SCRG1: variants seen among roughly 807,000 people sequenced by gnomAD.
SCRG1 encodes the protein scrapie-responsive protein 1.
SCRG1 carries 3 observed loss-of-function variants against 7.7 expected under a neutral mutation model. That is an observed-to-expected ratio of 0.39 (90% CI 0.18 to 1.01). The LOEUF (loss-of-function observed/expected upper bound fraction) is 1.01. Ranked by LOEUF, SCRG1 falls within the 50% of genes least tolerant of loss-of-function variation. The probability of loss-of-function intolerance (pLI) is 0.36; values close to 1 mark genes in which losing one functional copy is unlikely to be tolerated. For synonymous variants in SCRG1, 46 were observed against 41.2 expected, an observed-to-expected ratio of 1.12 and a Z score of -0.44; for missense variants, 110 against 117.2, an observed-to-expected ratio of 0.94 and a Z score of 0.28.
chr4:173,426,840 G>T, the SCRG1 span, among the ~76,000 whole-genome samples: 1 of 152,152 alleles, frequency 6.6e-6, no homozygotes, highest in African/African-American at 2.4e-5. Context: ...TAACTCTTTT[G>T]CATTCCTATT....
chr4:173,395,371 A>G (rs1739575260), intron 1 of SCRG1, among the ~76,000 whole-genome samples: 1 of 152,238 alleles, frequency 6.6e-6, no homozygotes, highest in Non-Finnish European at 1.5e-5. Context: ...GCAAGAGCCT[A>G]TAGAGGTCTT....
Position 173,388,102 on chromosome 4 carries a change from A to G in SCRG1, c.*239T>C, listed in dbSNP as rs568312720. ...TTTAACTGAGTATAATGAACACCTC[A>G]TAGATTACATTTTCTAGGCAAAATT... On this transcript the variant is annotated 3_prime_UTR_variant, in exon 3 of 3. Coordinates refer to ENST00000296506, the MANE Select transcript of SCRG1 (RefSeq NM_007281.4). 4.0e-4 allele frequency: 179 copies of G among 446,376 alleles called. 1 individual carries two copies. The highest frequency in any genetic ancestry group is 3.0e-3 in the African/African-American group (150 of 49,210). The allele number at this position is 446,376 out of a possible 1,614,324, so 27.7% of individuals were successfully genotyped here.
In SCRG1 at chr4:173,385,706, T is replaced by C. The variant is rs932432171; in HGVS notation, c.*2635A>G. ...TTATTAAATATTTAGCTTTGTTAGATACAATTTTTCTTACCAGGCTTTGAT... is the reference window on the plus strand; with the variant it reads ...TTATTAAATATTTAGCTTTGTTAGACACAATTTTTCTTACCAGGCTTTGAT... On this transcript the variant is annotated 3_prime_UTR_variant, in exon 3 of 3. Transcript: ENST00000296506. 2.6e-5 allele frequency: 4 copies of C among 152,182 alleles called. No individual in the cohort carries two copies. Among genetic ancestry groups the C allele is most frequent in the African/African-American group, 7.2e-5 (3 of 41,470 alleles). 9.4% of individuals were successfully genotyped at this position (152,182 alleles called of 1,614,324 possible). A position where few individuals can be genotyped will look rare whatever the true frequency, so the allele number is the denominator to read the frequency against.
At chr4:173,427,882 C>T in the SCRG1 span, among the ~76,000 whole-genome samples, 1 of 152,210 alleles carries the variant, frequency 6.6e-6, no homozygotes, top group Non-Finnish European at 1.5e-5. Flanking sequence ...AATATAAGAA[C>T]TACTTAATAC....
the SCRG1 span, among the ~76,000 whole-genome samples, chr4:173,428,415 G>A: frequency 6.6e-6 from 1 of 152,188 alleles, no homozygotes; most frequent in African/African-American, 2.4e-5. Flanking sequence ...GCTTCCATGT[G>A]TTATTTGAAG....
At chr4:173,496,542 G>A in the SCRG1 span, among the ~76,000 whole-genome samples, 4,922 of 152,262 alleles carry the variant, frequency 0.032, 275 homozygotes, top group African/African-American at 0.11. Context: ...CTATCAGGGA[G>A]TTGGATATGC....
the SCRG1 span, among the ~76,000 whole-genome samples, chr4:173,430,756 A>G: frequency 1.4e-5 from 2 of 142,132 alleles, no homozygotes; most frequent in Non-Finnish European, 3.0e-5. Context: ...ATGGTAAGCC[A>G]TGATCATGCC....
chr4:173,423,923 T>C, the SCRG1 span, among the ~76,000 whole-genome samples: 1 of 152,168 alleles, frequency 6.6e-6, no homozygotes. Flanking sequence ...AAGTGACAAA[T>C]GCAAGAGAAA....
the SCRG1 span, among the ~76,000 whole-genome samples, chr4:173,455,093 T>C: frequency 3.9e-5 from 6 of 152,172 alleles, no homozygotes; most frequent in South Asian, 1.0e-3. Context: ...TCCCCAGGCT[T>C]GCATCACCCT....
At chr4:173,403,069 C>T (rs1218787514), upstream of SCRG1, 1 of 152,120 alleles carries the variant, frequency 6.6e-6, no homozygotes, top group Non-Finnish European at 1.5e-5. Context: ...GAACCTTGGA[C>T]ATTTATGCTT....
At chr4:173,501,211 C>T in the SCRG1 span, among the ~76,000 whole-genome samples, 1 of 152,210 alleles carries the variant, frequency 6.6e-6, no homozygotes, top group Non-Finnish European at 1.5e-5. This position sits in a 1 kb window ranked among gnomAD's most constrained non-coding sequence, Gnocchi z 5.1. Flanking sequence ...GGCCCGAGCT[C>T]CGCGCTTACC....
the SCRG1 span, among the ~76,000 whole-genome samples, chr4:173,503,002 G>GA: frequency 6.6e-6 from 1 of 152,162 alleles, no homozygotes; most frequent in African/African-American, 2.4e-5. The surrounding 1 kb of genome is among the most constrained non-coding windows in gnomAD (Gnocchi z 6.4). Flanking sequence ...AGTGTGCTCT[G>GA]AGAGCACCTA....
chr4:173,513,310 A>T, the SCRG1 span, among the ~76,000 whole-genome samples: 5 of 152,104 alleles, frequency 3.3e-5, no homozygotes, highest in Admixed American at 2.6e-4. Context: ...ATTATTCCAC[A>T]TTTGTCCCTA....
At chr4:173,434,273 T>C in the SCRG1 span, among the ~76,000 whole-genome samples, 1 of 152,234 alleles carries the variant, frequency 6.6e-6, no homozygotes, top group Admixed American at 6.5e-5. Flanking sequence ...CTTGAGATAA[T>C]AGGATATGAT....
intron 1 of SCRG1, among the ~76,000 whole-genome samples, chr4:173,395,251 G>C (rs970998751): frequency 2.0e-5 from 3 of 152,126 alleles, no homozygotes; most frequent in Non-Finnish European, 4.4e-5. Flanking sequence ...TAGACCGAAG[G>C]CTCCATGACA....
At chr4:173,431,101 G>A in the SCRG1 span, among the ~76,000 whole-genome samples, 4 of 152,110 alleles carry the variant, frequency 2.6e-5, no homozygotes, top group South Asian at 2.1e-4. Context: ...AAACTTGCAC[G>A]GGTACCACTG....
At chr4:173,475,612 G>T in the SCRG1 span, among the ~76,000 whole-genome samples, 2 of 152,192 alleles carry the variant, frequency 1.3e-5, no homozygotes, top group Non-Finnish European at 2.9e-5. Flanking sequence ...AGGATTAAAA[G>T]CAGAGATTTA....
the SCRG1 span, among the ~76,000 whole-genome samples, chr4:173,490,507 C>T: frequency 2.6e-5 from 4 of 152,122 alleles, no homozygotes; most frequent in South Asian, 2.1e-4. Flanking sequence ...CCAGGCCCTG[C>T]GGGTCATGGA....
the SCRG1 span, among the ~76,000 whole-genome samples, chr4:173,462,625 C>A: frequency 2.6e-5 from 4 of 152,162 alleles, no homozygotes; most frequent in African/African-American, 9.7e-5. Flanking sequence ...AGGTACAACA[C>A]TGACTGGTAA....
Sources: allele counts gnomAD v4.1 joint callset (sites outside exome capture counted in the v4.1 genomes callset), GRCh38; gene constraint gnomAD v4.1.1; non-coding constraint Gnocchi (gnomAD v3.1); transcripts MANE v1.5; gene names NCBI Gene and HGNC (gene_info 2026-07-23, HGNC 2026-07-21).